The following PHF14 variants were observed in gnomAD, a reference collection of about 807,000 sequenced individuals.
The protein encoded by PHF14 is PHD finger protein 14.
In PHF14, 55 loss-of-function variants were observed where a neutral mutation model predicts 117.9. The ratio of observed to expected loss-of-function variants is 0.47; its 90% CI spans 0.38 to 0.58. The LOEUF is 0.58. PHF14 is among the 20% of genes least tolerant of loss of function. The probability of loss-of-function intolerance (pLI) is 0.00; values close to 1 mark genes in which losing one functional copy is unlikely to be tolerated. For synonymous variants in PHF14, 409 were observed against 368.6 expected (o/e 1.11, Z -1.26); for missense variants, 978 against 1,122.2 (o/e 0.87, Z 1.84).
intron 13 of PHF14, 136 bp from the exon 14 acceptor site, chr7:11,051,476 G>A: frequency 3.1e-6 from 2 of 643,716 alleles, no homozygotes; most frequent in Non-Finnish European, 5.1e-6. Flanking sequence ...TTTTCATTAT[G>A]TACCCTATAA....
chr7:11,137,291 C>CA (rs1788248903), intron 17 of PHF14, among the ~76,000 whole-genome samples: 1 of 152,080 alleles, frequency 6.6e-6, no homozygotes, highest in African/African-American at 2.4e-5. Flanking sequence ...AAGAGGTGGC[C>CA]AGTGCCTGCC....
chr7:11,024,002 C>T (rs923880629), intron 6 of PHF14, among the ~76,000 whole-genome samples: 2 of 152,030 alleles, frequency 1.3e-5, no homozygotes, highest in East Asian at 1.9e-4. Context: ...CCTCTTCTGC[C>T]GAATAGCCAG....
chr7:11,015,491 G>C (rs554572750), intron 5 of PHF14, among the ~76,000 whole-genome samples: 1 of 152,326 alleles, frequency 6.6e-6, no homozygotes, highest in South Asian at 2.1e-4. Context: ...AGTTGGGCCT[G>C]AGAGTGGCCT....
intron 17 of PHF14, among the ~76,000 whole-genome samples, chr7:11,146,607 GTATC>G (rs1788553442): frequency 6.6e-6 from 1 of 152,138 alleles, no homozygotes; most frequent in African/African-American, 2.4e-5. Context: ...TTGAATTTGA[GTATC>G]TATCTATGGT....
intron 17 of PHF14, among the ~76,000 whole-genome samples, chr7:11,161,077 A>G (rs773284508): frequency 6.6e-6 from 1 of 152,124 alleles, no homozygotes; most frequent in Non-Finnish European, 1.5e-5. Context: ...ACACAACTTG[A>G]GTTAATTTTT....
At chr7:10,979,017 T>G (rs1417013715) in intron 2 of PHF14, among the ~76,000 whole-genome samples, 1 of 152,162 alleles carries the variant, frequency 6.6e-6, no homozygotes, top group Non-Finnish European at 1.5e-5. Flanking sequence ...ATATTTATAG[T>G]ACTAACACTG....
intron 3 of PHF14, among the ~76,000 whole-genome samples, chr7:10,985,116 AC>A (rs1782170607): frequency 6.6e-6 from 1 of 152,138 alleles, no homozygotes; most frequent in Non-Finnish European, 1.5e-5. Context: ...TAATTAAAAA[AC>A]TAATCAATTG....
chr7:11,168,926 C>T (rs1255508836), intron 17 of PHF14, among the ~76,000 whole-genome samples: 1 of 152,026 alleles, frequency 6.6e-6, no homozygotes, highest in Admixed American at 6.6e-5. Flanking sequence ...AGATTGTAAG[C>T]ATTCTAAGCC....
chr7:11,038,901 T>C (rs76391370), intron 11 of PHF14, 46 bp downstream of exon 11: 20,770 of 875,694 alleles, frequency 0.024, 317 homozygotes, highest in Middle Eastern at 0.044. Context: ...TTGCTCCCTA[T>C]ATGATTTTCA....
chr7:11,051,683 A>T lies in PHF14; in HGVS notation c.2384A>T (p.Asp795Val). 6.2e-7 allele frequency: 1 copy of T among 1,613,774 alleles called. No individual in the cohort carries two copies. Among genetic ancestry groups the T allele is most frequent in the Non-Finnish European group, 8.5e-7 (1 of 1,179,760 alleles). ...GATATGGCCATGGAAACCCTACCAG[A>T]TGGAACCAAACGATCAAGGAGGCAG... is the stretch of plus-strand genomic sequence containing the variant. ...EADMAMETLP[D>V]GTKRSRRQIK... The change falls in exon 14 of 18, where the codon GAT (aspartate) becomes GTT (valine). Residue 795 changes from aspartate to valine, a missense_variant. Coordinates refer to ENST00000634607, the MANE Select transcript of PHF14 (RefSeq NM_001007157.2).
At chr7:11,086,357 A>T (rs932385895) in intron 16 of PHF14, among the ~76,000 whole-genome samples, 4 of 152,194 alleles carry the variant, frequency 2.6e-5, no homozygotes, top group Non-Finnish European at 5.9e-5. Flanking sequence ...AATTTAGATC[A>T]TCGCAGGTCA....
intron 16 of PHF14, among the ~76,000 whole-genome samples, chr7:11,083,379 TC>T (rs1786229603): frequency 6.6e-6 from 1 of 151,876 alleles, no homozygotes; most frequent in Non-Finnish European, 1.5e-5. Context: ...GCACACCGTC[TC>T]TCTTTCTCCC....
chr7:11,087,071 CTTTG>C (rs920089766), intron 16 of PHF14, among the ~76,000 whole-genome samples: 12 of 152,190 alleles, frequency 7.9e-5, no homozygotes, highest in Admixed American at 4.6e-4. Flanking sequence ...TAAGGGTATA[CTTTG>C]TTTGTAAAGT....
In PHF14 at chr7:10,985,586, T is replaced by G. The variant is rs190563516; in HGVS notation, c.900+2427T>G. ...TGGCCTTAACATATGCTTAATGGCC[T>G]TAACAACATGCTGCAGACCCTGAAA... On this transcript the variant is annotated intron_variant, in intron 3 of 17. Coordinates refer to ENST00000634607, the MANE Select transcript of PHF14 (RefSeq NM_001007157.2). 1.8e-4 allele frequency among the ~76,000 whole-genome samples: 27 copies of G among 148,392 alleles called. No individual in the cohort carries two copies. The East Asian group carries it at 5.2e-3, about 28-fold the overall frequency.
rs1417622780 is a variant in PHF14 at position 11,035,799 on chromosome 7, T to C, written c.1602+13T>C. On this transcript the variant is annotated intron_variant, in intron 8 of 17. Coordinates refer to ENST00000634607, the MANE Select transcript of PHF14 (RefSeq NM_001007157.2). ...ACCAGAAGCACAGGTATGGGATTCA[T>C]GTCAAAACCCGTATGTTTTTGTTTT... is the stretch of plus-strand genomic sequence containing the variant. The C allele has an allele frequency of 6.4e-7, 1 of 1,564,488 alleles. No individual in the cohort carries two copies. The highest frequency in any genetic ancestry group is 1.9e-5 in the Admixed American group (1 of 53,726).
intron 13 of PHF14, among the ~76,000 whole-genome samples, chr7:11,044,972 A>G (rs1301880670): frequency 1.3e-5 from 2 of 152,188 alleles, no homozygotes; most frequent in African/African-American, 2.4e-5. Flanking sequence ...TCAGTGCTCA[A>G]AAAACATTTG....
In PHF14 at chr7:11,016,621, A is replaced by G. The variant is rs564468676; in HGVS notation, c.1205+2715A>G. 2.6e-5 allele frequency among the ~76,000 whole-genome samples: 4 copies of G among 152,184 alleles called. No homozygotes were observed. The East Asian group carries it at 7.7e-4, about 29-fold the overall frequency. ...ATAGTTTTACTATTTGTGGGTACAT[A>G]GTAGATATGTATATTCATGGGGTAC... On this transcript the variant is annotated intron_variant, in intron 5 of 17. Transcript: ENST00000634607.
At chr7:11,120,737 A>G (rs1276833689) in intron 17 of PHF14, among the ~76,000 whole-genome samples, 4 of 152,074 alleles carry the variant, frequency 2.6e-5, no homozygotes, top group South Asian at 4.1e-4. Context: ...TTATGGTCCT[A>G]TGTGAATCAT....
At chr7:11,131,478 C>G (rs982424339) in intron 17 of PHF14, among the ~76,000 whole-genome samples, 1 of 151,684 alleles carries the variant, frequency 6.6e-6, no homozygotes, top group Admixed American at 6.6e-5. Context: ...GATCTTTGGC[C>G]TGTTTTTTAA....
Sources: gnomAD v4.1 joint callset for allele counts (sites outside exome capture counted in the v4.1 genomes callset) on GRCh38, gnomAD v4.1.1 for gene constraint, MANE v1.5 for transcripts, NCBI Gene and HGNC (gene_info 2026-07-23, HGNC 2026-07-21) for gene names.